Variants in TMCO6 observed in about 807,000 individuals in gnomAD.
The protein encoded by TMCO6 is transmembrane and coiled-coil domains 6.
TMCO6 carries 47 observed loss-of-function variants against 61.8 expected under a neutral mutation model. That is an observed-to-expected ratio of 0.76 (90% CI 0.60 to 0.97). TMCO6 has a LOEUF of 0.97. Ranked by LOEUF, TMCO6 falls within the 50% of genes least tolerant of loss-of-function variation. The pLI is 0.00. For missense variants in TMCO6, 557 were observed against 601.6 expected (o/e 0.93, Z 0.78); for synonymous variants, 261 against 254.2 (o/e 1.03, Z -0.25).
At chr5:140,625,193 G>A in the TMCO6 span, among the ~76,000 whole-genome samples, 6 of 152,178 alleles carry the variant, frequency 3.9e-5, no homozygotes, top group South Asian at 6.2e-4. Flanking sequence ...AATTCCCAAC[G>A]AGTCTTCTAA....
At chr5:140,637,994 TCTTC>T (rs1010215671), upstream of TMCO6, among the ~76,000 whole-genome samples, 6 of 146,528 alleles carry the variant, frequency 4.1e-5, no homozygotes, top group African/African-American at 8.3e-5. Context: ...TTTCTTTCTT[TCTTC>T]CTTCCTTTCT....
chr5:140,607,034 A>G, the TMCO6 span, among the ~76,000 whole-genome samples: 1 of 151,922 alleles, frequency 6.6e-6, no homozygotes, highest in East Asian at 1.9e-4. Flanking sequence ...AACCTTATAG[A>G]CTACTGTTTA....
chr5:140,601,757 A>G, the TMCO6 span, among the ~76,000 whole-genome samples: 2 of 152,178 alleles, frequency 1.3e-5, no homozygotes, highest in South Asian at 2.1e-4. Flanking sequence ...AGGCGTCACC[A>G]TACCTGTTGA....
chr5:140,604,179 TA>T, the TMCO6 span, among the ~76,000 whole-genome samples: 6 of 152,044 alleles, frequency 3.9e-5, no homozygotes, highest in Non-Finnish European at 7.4e-5. Flanking sequence ...CTTGCCTTAT[TA>T]AAAACTGGAT....
chr5:140,623,538 A>T, the TMCO6 span, among the ~76,000 whole-genome samples: 3 of 152,154 alleles, frequency 2.0e-5, no homozygotes, highest in Non-Finnish European at 4.4e-5. Flanking sequence ...GGTCTCTCTG[A>T]TTCCTTAAAA....
the TMCO6 span, among the ~76,000 whole-genome samples, chr5:140,599,916 TATAAA>T: frequency 0.023 from 3,374 of 144,278 alleles, 122 homozygotes; most frequent in African/African-American, 0.082. Flanking sequence ...TCAAATAAAA[TATAAA>T]ATAAAATAAA....
the TMCO6 span, among the ~76,000 whole-genome samples, chr5:140,610,303 G>T: frequency 6.6e-6 from 1 of 151,788 alleles, no homozygotes; most frequent in Non-Finnish European, 1.5e-5. Context: ...GTTGCAGTGA[G>T]CTGAGATCAT....
chr5:140,642,451 T>C, intron 5 of TMCO6, 32 bp downstream of exon 5: 1 of 1,607,942 alleles, frequency 6.2e-7, no homozygotes, highest in East Asian at 2.2e-5. Flanking sequence ...GGGCAACCCT[T>C]CCTTTGCTCC....
At chr5:140,631,181 C>T in the TMCO6 span, among the ~76,000 whole-genome samples, 1 of 152,056 alleles carries the variant, frequency 6.6e-6, no homozygotes, top group Non-Finnish European at 1.5e-5. Flanking sequence ...CCCATTATGT[C>T]GGGGAGTGAC....
the TMCO6 span, among the ~76,000 whole-genome samples, chr5:140,604,319 A>C: frequency 6.6e-6 from 1 of 151,996 alleles, no homozygotes; most frequent in African/African-American, 2.4e-5. Context: ...GCTTGAGCCC[A>C]GGAGGTAGAG....
At chr5:140,614,255 T>A in the TMCO6 span, among the ~76,000 whole-genome samples, 2 of 149,428 alleles carry the variant, frequency 1.3e-5, no homozygotes, top group East Asian at 4.3e-4. Context: ...ATGCCTGTAA[T>A]CCCAGCACTT....
At chr5:140,644,774 C>T in intron 11 of TMCO6, 34 bp downstream of exon 11, 1 of 1,611,560 alleles carries the variant, frequency 6.2e-7, no homozygotes, top group Non-Finnish European at 8.5e-7. Flanking sequence ...TCAGTCACCC[C>T]TGTTCTGAAG....
intron 5 of TMCO6, 39 bp downstream of exon 5, chr5:140,642,458 C>T (rs370959058): frequency 2.4e-5 from 39 of 1,605,288 alleles, no homozygotes; most frequent in Non-Finnish European, 3.1e-5. Context: ...CCTTCCTTTG[C>T]TCCTCCCCAC....
chr5:140,643,884 C>T lies in TMCO6; in HGVS notation c.1023C>T (p.Ala341=). Residue 341 remains alanine (A), a synonymous_variant, in exon 9 of 12, where the codon GCC becomes GCT. Coordinates refer to ENST00000394671, the MANE Select transcript of TMCO6 (RefSeq NM_018502.5). The part of the protein sequence containing the change: ...MQLRDERVVA[A]LFILLQFFFQ... ...TCAGAGATGAGCGTGTTGTGGCAGC[C>T]TTATTTATCCTTCTGCAGTTCTTTT... 6.2e-7 allele frequency: 1 copy of T among 1,614,172 alleles called. No homozygotes were observed. Among genetic ancestry groups the T allele is most frequent in the Non-Finnish European group, 8.5e-7 (1 of 1,180,044 alleles).
At chr5:140,597,765 A>G in the TMCO6 span, among the ~76,000 whole-genome samples, 1 of 152,362 alleles carries the variant, frequency 6.6e-6, no homozygotes, top group South Asian at 2.1e-4. Flanking sequence ...CTAATGGACT[A>G]TCTTAGCCAC....
chr5:140,633,162 G>A, the TMCO6 span: 1 of 1,547,102 alleles, frequency 6.5e-7, no homozygotes, highest in Non-Finnish European at 8.8e-7. Context: ...CCGGCTTCCA[G>A]GCTTCACACT....
the TMCO6 span, among the ~76,000 whole-genome samples, chr5:140,601,028 CA>C: frequency 2.0e-5 from 3 of 152,032 alleles, no homozygotes; most frequent in African/African-American, 2.4e-5. Flanking sequence ...CCCATTAAGA[CA>C]TAATATTCAT....
downstream of TMCO6, among the ~76,000 whole-genome samples, chr5:140,646,522 C>T (rs1757411968): frequency 6.6e-6 from 1 of 152,176 alleles, no homozygotes; most frequent in Non-Finnish European, 1.5e-5. Context: ...TCACTCTCCT[C>T]CACCTCCTCC....
chr5:140,639,370 C>T (rs1773308449), upstream of TMCO6: 1 of 694,404 alleles, frequency 1.4e-6, no homozygotes, highest in African/African-American at 1.9e-5. Context: ...GAGGCGTCCA[C>T]TCGCCGAGCC....
Sources: allele counts gnomAD v4.1 joint callset (sites outside exome capture counted in the v4.1 genomes callset), GRCh38; gene constraint gnomAD v4.1.1; transcripts MANE v1.5; gene names NCBI Gene and HGNC (gene_info 2026-07-23, HGNC 2026-07-21).